ZNF385D: variants seen among roughly 807,000 people sequenced by gnomAD.
The protein encoded by ZNF385D is zinc finger protein 385D.
ZNF385D carries 15 observed loss-of-function variants against 35.8 expected under a neutral mutation model. That is an observed-to-expected ratio of 0.42 (90% confidence interval 0.28 to 0.64). The LOEUF (loss-of-function observed/expected upper bound fraction) is 0.64, where lower values mean the gene tolerates loss of function less well. ZNF385D is among the 30% of genes least tolerant of loss of function. The pLI, the probability that ZNF385D is intolerant of heterozygous loss-of-function variation, is 0.23. For synonymous variants in ZNF385D, 212 were observed against 186.8 expected (o/e 1.13, Z -1.10); for missense variants, 474 against 494.6 (o/e 0.96, Z 0.39).
At chr3:21,936,172 C>T (rs900601604) in intron 3 of ZNF385D, among the ~76,000 whole-genome samples, 3 of 151,992 alleles carry the variant, frequency 2.0e-5, no homozygotes, top group African/African-American at 4.8e-5. Context: ...CTCAGCCCTG[C>T]GTAACTACAA....
chr3:21,463,998 A>G (rs575751509), intron 4 of ZNF385D, among the ~76,000 whole-genome samples: 19 of 152,284 alleles, frequency 1.2e-4, no homozygotes, highest in African/African-American at 4.6e-4. Flanking sequence ...AAACAAAGCA[A>G]TTAATGAAGT....
Position 22,247,805 on chromosome 3 carries a change from A to G in ZNF385D, c.107-78770T>C, listed in dbSNP as rs1262659934. Among the ~76,000 whole-genome samples, 4 of 151,806 alleles carry G rather than the reference A, an allele frequency of 2.6e-5. No homozygotes were observed. In the South Asian group the frequency reaches 8.3e-4, roughly 31 times the overall value. The stretch of plus-strand genomic sequence containing the variant: ...CTTTTAGTAGAGACGGGGTTTCACC[A>G]TGTTGGCCAGGATGGTGTTCATCTC... On this transcript the variant is annotated intron_variant, in intron 2 of 5. Coordinates refer to the ZNF385D transcript ENST00000494108.
intron 2 of ZNF385D, among the ~76,000 whole-genome samples, chr3:22,330,058 C>G (rs1407004212): frequency 6.6e-6 from 1 of 152,080 alleles, no homozygotes; most frequent in African/African-American, 2.4e-5. Flanking sequence ...GTCTGTGTGG[C>G]AAATTGATCG....
intron 3 of ZNF385D, among the ~76,000 whole-genome samples, chr3:21,997,866 C>T (rs62248417): frequency 0.051 from 5,012 of 97,616 alleles, 257 homozygotes; most frequent in African/African-American, 0.15. Context: ...GGCGCGCGCG[C>T]GCGCGCGTGT....
intron 3 of ZNF385D, among the ~76,000 whole-genome samples, chr3:22,141,534 A>G (rs1389449398): frequency 6.6e-6 from 1 of 152,134 alleles, no homozygotes; most frequent in Non-Finnish European, 1.5e-5. Context: ...AATTATTTGC[A>G]CCAATGGAGG....
intron 2 of ZNF385D, among the ~76,000 whole-genome samples, chr3:21,618,548 T>C (rs898813323): frequency 1.3e-5 from 2 of 152,186 alleles, no homozygotes; most frequent in African/African-American, 4.8e-5. Context: ...TCAGAATGAA[T>C]TGGGTAAAAA....
intron 3 of ZNF385D, among the ~76,000 whole-genome samples, chr3:21,822,896 G>T (rs946150968): frequency 1.3e-5 from 2 of 152,018 alleles, no homozygotes; most frequent in Admixed American, 6.5e-5. Context: ...ATAAAATTTT[G>T]TTCAGAGATA....
At chr3:22,106,997 T>A (rs961184844) in intron 3 of ZNF385D, among the ~76,000 whole-genome samples, 3 of 149,458 alleles carry the variant, frequency 2.0e-5, no homozygotes, top group African/African-American at 7.3e-5. Flanking sequence ...AGCCAACTTA[T>A]CTATTTATGC....
chr3:21,693,162 T>C (rs887318415), intron 1 of ZNF385D, among the ~76,000 whole-genome samples: 2 of 152,172 alleles, frequency 1.3e-5, no homozygotes, highest in East Asian at 1.9e-4. Context: ...GGGATAACTA[T>C]GGAAGCTGAG....
At chr3:22,129,175 C>T (rs556831374) in intron 3 of ZNF385D, among the ~76,000 whole-genome samples, 1 of 152,234 alleles carries the variant, frequency 6.6e-6, no homozygotes, top group South Asian at 2.1e-4. Context: ...CCTTACTTTT[C>T]CCCAAACAAA....
intron 2 of ZNF385D, among the ~76,000 whole-genome samples, chr3:22,186,868 G>T (rs527609492): frequency 6.6e-6 from 1 of 152,206 alleles, no homozygotes; most frequent in Non-Finnish European, 1.5e-5. Context: ...TATTTTTAGT[G>T]TTTGTTTATA....
At chr3:21,455,534 T>A (rs1330284354) in intron 4 of ZNF385D, among the ~76,000 whole-genome samples, 3 of 152,212 alleles carry the variant, frequency 2.0e-5, no homozygotes, top group Non-Finnish European at 4.4e-5. Flanking sequence ...GCTAGCCATA[T>A]GTAGAAAGCT....
intron 2 of ZNF385D, among the ~76,000 whole-genome samples, chr3:22,316,784 G>A (rs1170454487): frequency 1.3e-5 from 2 of 152,072 alleles, no homozygotes; most frequent in African/African-American, 2.4e-5. Flanking sequence ...AAACTTCTAA[G>A]GAAGTTTTAG....
chr3:21,447,272 T>C (rs1314350524), intron 4 of ZNF385D, among the ~76,000 whole-genome samples: 3 of 152,162 alleles, frequency 2.0e-5, no homozygotes, highest in Non-Finnish European at 2.9e-5. Flanking sequence ...GAAGGCATTT[T>C]AAATGATTTG....
intron 2 of ZNF385D, among the ~76,000 whole-genome samples, chr3:22,203,939 T>TG (rs1354838576): frequency 2.0e-5 from 3 of 152,106 alleles, no homozygotes; most frequent in Non-Finnish European, 2.9e-5. Context: ...AAAAGAAGTC[T>TG]GGTTGGCTTC....
chr3:22,341,960 T>C (rs541276990), intron 2 of ZNF385D, among the ~76,000 whole-genome samples: 2 of 152,264 alleles, frequency 1.3e-5, no homozygotes, highest in South Asian at 4.1e-4. Flanking sequence ...TAGTTAACAC[T>C]GAAAACTGTT....
intron 3 of ZNF385D, among the ~76,000 whole-genome samples, chr3:21,916,570 T>C (rs1315588417): frequency 6.6e-6 from 1 of 152,164 alleles, no homozygotes; most frequent in Non-Finnish European, 1.5e-5. Flanking sequence ...GTCGATTACA[T>C]ATGCTTTGGC....
intron 1 of ZNF385D, among the ~76,000 whole-genome samples, chr3:21,711,156 C>T (rs1451862164): frequency 6.9e-6 from 1 of 145,182 alleles, no homozygotes; most frequent in Non-Finnish European, 1.5e-5. Flanking sequence ...ATTCTCCTGC[C>T]TCAGCCTCCC....
intron 2 of ZNF385D, among the ~76,000 whole-genome samples, chr3:22,221,009 T>C (rs1161197629): frequency 2.0e-5 from 3 of 152,120 alleles, no homozygotes; most frequent in African/African-American, 7.2e-5. Context: ...TTTCCTTTCA[T>C]CTCTACATAT....
Sources: allele counts gnomAD v4.1 joint callset (sites outside exome capture counted in the v4.1 genomes callset), GRCh38; gene constraint gnomAD v4.1.1; transcripts MANE v1.5; gene names NCBI Gene and HGNC (gene_info 2026-07-23, HGNC 2026-07-21).